The following LONP1 variants were observed in gnomAD, a reference collection of about 807,000 sequenced individuals.
The protein encoded by LONP1 is lon protease homolog, mitochondrial.
A neutral mutation model predicts 98.5 loss-of-function variants in LONP1; 31 were observed. The ratio of observed to expected loss-of-function variants is 0.31; its 90% confidence interval spans 0.24 to 0.42. LONP1 has a LOEUF of 0.42. Among genes scored for constraint, LONP1 ranks in the 20% least tolerant of loss-of-function variants. The pLI is 1.00. For missense variants in LONP1, 1,336 were observed against 1,350.6 expected (o/e 0.99, Z 0.17); for synonymous variants, 781 against 594.7 (o/e 1.31, Z -4.56).
intron 4 of LONP1, among the ~76,000 whole-genome samples, chr19:5,709,234 A>G (rs959166143): frequency 3.3e-5 from 5 of 151,830 alleles, no homozygotes; most frequent in African/African-American, 1.2e-4. Context: ...CACACCTGTA[A>G]CACCAACACT....
intron 7 of LONP1, among the ~76,000 whole-genome samples, 156 bp from the exon 8 acceptor site, chr19:5,706,148 T>A (rs948596802): frequency 2.0e-5 from 3 of 152,130 alleles, no homozygotes; most frequent in African/African-American, 7.2e-5. Flanking sequence ...CATCTTCTTT[T>A]GTTTTTGAGA....
intron 8 of LONP1, among the ~76,000 whole-genome samples, chr19:5,702,957 T>C (rs1386219377): frequency 6.8e-6 from 1 of 148,034 alleles, no homozygotes; most frequent in Non-Finnish European, 1.5e-5. Flanking sequence ...CTCCCTCCAC[T>C]ATTGTCCTAT....
rs371040522 is a variant in LONP1, at chr19:5,694,451, G to A, written c.2256C>T (p.Thr752=). 123 of 1,613,334 alleles carry A rather than the reference G, an allele frequency of 7.6e-5. No homozygotes were observed. Among genetic ancestry groups the A allele is most frequent in the Non-Finnish European group, 8.9e-5 (105 of 1,180,022 alleles). The change falls in exon 15 of 18, where the codon ACC becomes ACT. Residue 752 remains threonine (T), a synonymous_variant. Transcript: ENST00000360614. ...GTGTCACGTCATACATGCGCTCCAC[G>A]GTGAACACGGGCTTCCCCACGAAGT... ...LQDFVGKPVF[T]VERMYDVTPP...
At position 5,720,125 on chromosome 19, in the gene LONP1, G is replaced by C; in HGVS notation, c.8C>G (p.Ala3Gly). MA[A>G]STGYVRLWGA... Reference sequence around the variant, plus strand: ...CCACAGTCGCACGTAGCCAGTGCTCGCCGCCATAGCCCGGCCATACTGGCG... The same window carrying C: ...CCACAGTCGCACGTAGCCAGTGCTCCCCGCCATAGCCCGGCCATACTGGCG... The change falls in exon 1 of 18, where the codon GCG (alanine) becomes GGG (glycine). Residue 3 changes from alanine to glycine, a missense_variant. Ala to Gly is a moderately conservative substitution (Grantham distance 60, BLOSUM62 0). This residue lies in a region of LONP1 where 457 missense variants were observed against 403.1 expected (regional missense o/e 1.13). Transcript: ENST00000360614. 2 of 1,417,226 alleles carry C rather than the reference G, an allele frequency of 1.4e-6. No individual in the cohort carries two copies. Among genetic ancestry groups the C allele is most frequent in the Non-Finnish European group, 1.8e-6 (2 of 1,093,988 alleles). The allele number at this position is 1,417,226 out of a possible 1,614,324, so 87.8% of individuals were successfully genotyped here. A position where few individuals can be genotyped will look rare whatever the true frequency, so the allele number is the denominator to read the frequency against.
chr19:5,720,268 CGGA>C (rs1452063097), upstream of LONP1: 3 of 1,249,284 alleles, frequency 2.4e-6, no homozygotes, highest in Non-Finnish European at 3.1e-6. Flanking sequence ...TGGGCCTACG[CGGA>C]GAAGAGGGGG....
chr19:5,714,965 C>CT (rs1025581194), intron 1 of LONP1: 4 of 148,752 alleles, frequency 2.7e-5, no homozygotes, highest in African/African-American at 9.9e-5. Context: ...CAGAGCCGCT[C>CT]TAACGCTGTG....
intron 1 of LONP1, among the ~76,000 whole-genome samples, chr19:5,715,861 G>A (rs1159324893): frequency 6.6e-6 from 1 of 151,666 alleles, no homozygotes; most frequent in Non-Finnish European, 1.5e-5. Context: ...TTCGCCATGA[G>A]CCACCATGCC....
At chr19:5,716,285 T>C (rs965922923) in intron 1 of LONP1, among the ~76,000 whole-genome samples, 2 of 108,900 alleles carry the variant, frequency 1.8e-5, no homozygotes, top group African/African-American at 6.4e-5. Flanking sequence ...TATATATATA[T>C]ATATATATAT....
At chr19:5,716,689 C>T (rs1388454842) in intron 1 of LONP1, among the ~76,000 whole-genome samples, 3 of 151,928 alleles carry the variant, frequency 2.0e-5, no homozygotes, top group Admixed American at 2.0e-4. Flanking sequence ...GAAAAATTAG[C>T]ATTTGGACAA....
Position 5,699,015 on chromosome 19 carries a change from G to A in LONP1, c.1685+12C>T, listed in dbSNP as rs148552540. 6 of 1,597,394 alleles carry A rather than the reference G, an allele frequency of 3.8e-6. No homozygotes were observed. The highest frequency in any genetic ancestry group is 4.6e-5 in the East Asian group (2 of 43,886). On this transcript the variant is annotated intron_variant, in intron 10 of 17. Transcript: ENST00000360614. Reference sequence around the variant, plus strand: ...GGGGAGTGCGTGGGGAGAGCTGTCAGGCCAGGCCTACCTGTGGCCCTTGAT... The same window carrying A: ...GGGGAGTGCGTGGGGAGAGCTGTCAAGCCAGGCCTACCTGTGGCCCTTGAT...
rs1403622235 is a variant in LONP1 at position 5,693,666 on chromosome 19, C to G, written c.2424G>C (p.Glu808Asp). 5 of 1,613,984 alleles carry G rather than the reference C, an allele frequency of 3.1e-6. No homozygotes were observed. The East Asian group carries it at 1.1e-4, about 36-fold the overall frequency. Residue 808 changes from glutamate to aspartate, a missense_variant, in exon 16 of 18, where the codon GAG becomes GAC. By Grantham distance (45) the Glu-to-Asp change is conservative. This residue lies in a region of LONP1 where 555 missense variants were observed against 542.6 expected (regional missense o/e 1.02). Transcript: ENST00000360614. ...GSLEVTGQLG[E>D]VMKESARIAY... ...CTATGCGGGCGCTCTCCTTCATCAC[C>G]TCCCCCAGCTGGCCTGTCACCTCCA...
intron 4 of LONP1, among the ~76,000 whole-genome samples, chr19:5,709,364 T>C (rs1398657726): frequency 1.3e-5 from 2 of 150,386 alleles, no homozygotes; most frequent in Non-Finnish European, 3.0e-5. Flanking sequence ...AGCCAGGTAC[T>C]TTGGTGGGTG....
intron 8 of LONP1, 80 bp downstream of exon 8, chr19:5,705,692 G>T: frequency 7.5e-7 from 1 of 1,332,626 alleles, no homozygotes; most frequent in South Asian, 1.2e-5. Flanking sequence ...GGGGCTCCCC[G>T]CTGGGTCCCC....
At chr19:5,698,919 C>G in intron 10 of LONP1, 108 bp downstream of exon 10, 1 of 1,189,410 alleles carries the variant, frequency 8.4e-7, no homozygotes, top group Non-Finnish European at 1.1e-6. Flanking sequence ...GAATCGGTTG[C>G]CCACAACCCG....
At chr19:5,712,311 G>A (rs1169635564) in intron 3 of LONP1, among the ~76,000 whole-genome samples, 2 of 152,222 alleles carry the variant, frequency 1.3e-5, no homozygotes, top group Admixed American at 6.5e-5. Context: ...GCCTCCTGTC[G>A]AAAACGGTGT....
At chr19:5,692,339 C>T (rs1599440402) in intron 17 of LONP1, 131 bp from the exon 18 acceptor site, 3 of 826,416 alleles carry the variant, frequency 3.6e-6, no homozygotes, top group Non-Finnish European at 5.5e-6. Context: ...CAGTAAGTCC[C>T]AAAACCCACC....
At chr19:5,692,964 G>C (rs887715588) in intron 17 of LONP1, among the ~76,000 whole-genome samples, 2 of 151,822 alleles carry the variant, frequency 1.3e-5, no homozygotes, top group Admixed American at 6.6e-5. Context: ...CTGGCCAGGG[G>C]CTCCAAACAC....
Position 5,707,738 on chromosome 19 carries a change from C to T in LONP1, c.1021G>A (p.Ala341Thr). 6.2e-7 allele frequency: 1 copy of T among 1,613,328 alleles called. No homozygotes were observed. Among genetic ancestry groups the T allele is most frequent in the Non-Finnish European group, 8.5e-7 (1 of 1,179,864 alleles). Residue 341 changes from alanine (A) to threonine (T), a missense_variant, in exon 6 of 18, where the codon GCC becomes ACC. This residue lies in a region of LONP1 where 97 missense variants were observed against 139.0 expected (regional missense o/e 0.70). Coordinates refer to ENST00000360614, the MANE Select transcript of LONP1 (RefSeq NM_004793.4). ...ACGTCCTGCAGCTCATGGGACTCGG[C>T]CCCGGTGAGCGCGGCGCCCATGTCG... ...LSDMGAALTG[A>T]ESHELQDVLE...
rs756417847 is a variant in LONP1 at position 5,705,873 on chromosome 19, C to T, written c.1266G>A (p.Arg422=). The T allele has an allele frequency of 3.1e-6, 5 of 1,614,060 alleles. No homozygotes were observed. The East Asian group carries it at 1.1e-4, about 36-fold the overall frequency. Residue 422 remains arginine, a synonymous_variant, in exon 8 of 18, where the codon CGG becomes CGA. Coordinates refer to ENST00000360614, the MANE Select transcript of LONP1 (RefSeq NM_004793.4). ...DDKDAIEEKF[R]ERLKELVVPK... is the part of the protein sequence containing the mutation. ...GGACCACGAGCTCCTTCAGGCGCTC[C>T]CGGAACTTCTCCTCGATGGCATCCT...
Sources: allele counts gnomAD v4.1 joint callset (sites outside exome capture counted in the v4.1 genomes callset), GRCh38; gene constraint gnomAD v4.1.1; regional missense constraint gnomAD v4.1.1; transcripts MANE v1.5; gene names NCBI Gene and HGNC (gene_info 2026-07-23, HGNC 2026-07-21).